Variants in EYS observed in about 807,000 individuals in gnomAD.
The protein encoded by EYS is EGF-like photoreceptor maintenance factor.
Under a neutral mutation model 282.1 loss-of-function variants are expected in EYS, and 250 were observed. The observed-to-expected ratio is 0.89, with a 90% confidence interval of 0.80 to 0.98. The LOEUF (loss-of-function observed/expected upper bound fraction) is 0.98. EYS is among the 50% of genes least tolerant of loss of function. The probability of loss-of-function intolerance (pLI) is 0.00; values close to 1 mark genes in which losing one functional copy is unlikely to be tolerated. For missense variants in EYS, 4,016 were observed against 3,709.0 expected, an observed-to-expected ratio of 1.08 and a Z score of -2.15; for synonymous variants, 1,355 against 1,282.9, an observed-to-expected ratio of 1.06 and a Z score of -1.20.
intron 26 of EYS, among the ~76,000 whole-genome samples, chr6:64,454,266 AAC>A (rs1245641438): frequency 2.0e-5 from 3 of 152,150 alleles, no homozygotes; most frequent in African/African-American, 7.2e-5. Context: ...CAGCCAATCA[AAC>A]ACAGAGTTAA....
intron 14 of EYS, among the ~76,000 whole-genome samples, chr6:64,994,906 A>G (rs1771196023): frequency 6.6e-6 from 1 of 152,156 alleles, no homozygotes; most frequent in Non-Finnish European, 1.5e-5. Flanking sequence ...GCTCAAGCCT[A>G]CATATATTCC....
chr6:64,984,405 A>G (rs1408052826), intron 14 of EYS, among the ~76,000 whole-genome samples: 1 of 151,514 alleles, frequency 6.6e-6, no homozygotes, highest in Non-Finnish European at 1.5e-5. Flanking sequence ...CTGTCTTGGT[A>G]GTAAGATTTG....
intron 31 of EYS, among the ~76,000 whole-genome samples, chr6:64,144,586 G>A (rs575446545): frequency 3.7e-4 from 57 of 152,214 alleles, no homozygotes; most frequent in African/African-American, 8.4e-4. Flanking sequence ...TGTTTTCCAC[G>A]TTCTCCTACA....
intron 37 of EYS, among the ~76,000 whole-genome samples, chr6:63,794,429 A>G (rs1770592382): frequency 6.6e-6 from 1 of 152,188 alleles, no homozygotes; most frequent in South Asian, 2.1e-4. Context: ...GCTTCAGTGC[A>G]TTACTTTGAT....
At chr6:64,385,191 CTA>C (rs1015657801) in intron 29 of EYS, among the ~76,000 whole-genome samples, 4 of 152,082 alleles carry the variant, frequency 2.6e-5, no homozygotes, top group African/African-American at 9.7e-5. Context: ...GCTGAATTTC[CTA>C]TCTTTCTTTT....
intron 13 of EYS, among the ~76,000 whole-genome samples, chr6:65,019,508 T>A (rs115288121): frequency 6.6e-5 from 10 of 152,198 alleles, no homozygotes; most frequent in African/African-American, 1.2e-4. Flanking sequence ...TGATTTCTGA[T>A]ACCTAACATA....
chr6:64,891,699 C>T (rs1767297586), intron 18 of EYS, among the ~76,000 whole-genome samples: 1 of 151,986 alleles, frequency 6.6e-6, no homozygotes, highest in African/African-American at 2.4e-5. Context: ...TTATTAATGT[C>T]CTAAGTGATC....
chr6:65,477,802 A>G (rs1765465335), intron 5 of EYS, among the ~76,000 whole-genome samples: 1 of 152,172 alleles, frequency 6.6e-6, no homozygotes, highest in African/African-American at 2.4e-5. Context: ...TATATTTTTC[A>G]ATCTTTTTTC....
chr6:64,512,700 A>C (rs1028317013), intron 26 of EYS, among the ~76,000 whole-genome samples: 1 of 152,074 alleles, frequency 6.6e-6, no homozygotes, highest in Non-Finnish European at 1.5e-5. Flanking sequence ...AAAGAGATTA[A>C]AAGAGAAGAA....
At chr6:64,650,420 G>T (rs1187204303) in intron 22 of EYS, among the ~76,000 whole-genome samples, 1 of 151,924 alleles carries the variant, frequency 6.6e-6, no homozygotes, top group Non-Finnish European at 1.5e-5. Flanking sequence ...TTTAGCCAGT[G>T]TGACTAAAAA....
intron 26 of EYS, among the ~76,000 whole-genome samples, chr6:64,489,922 GC>G (rs1776686571): frequency 6.6e-6 from 1 of 150,688 alleles, no homozygotes; most frequent in South Asian, 2.1e-4. Flanking sequence ...TCATGAAGAG[GC>G]CTCACAAATG....
chr6:64,780,079 A>T (rs1013160184), intron 22 of EYS, among the ~76,000 whole-genome samples: 2 of 152,184 alleles, frequency 1.3e-5, no homozygotes, highest in Non-Finnish European at 2.9e-5. Flanking sequence ...TTGAACATAG[A>T]GACTAGAGAT....
At chr6:65,350,778 C>T (rs1054657768) in intron 9 of EYS, among the ~76,000 whole-genome samples, 4 of 151,656 alleles carry the variant, frequency 2.6e-5, no homozygotes, top group African/African-American at 4.8e-5. Context: ...TGTGCACTGT[C>T]GACCAATTGT....
At chr6:64,364,190 C>T (rs1355113603) in intron 29 of EYS, among the ~76,000 whole-genome samples, 1 of 151,840 alleles carries the variant, frequency 6.6e-6, no homozygotes, top group African/African-American at 2.4e-5. Context: ...ATAAAAAATT[C>T]TCCATAAAGA....
intron 12 of EYS, among the ~76,000 whole-genome samples, chr6:65,133,376 T>C (rs1775936416): frequency 6.6e-6 from 1 of 151,968 alleles, no homozygotes; most frequent in African/African-American, 2.4e-5. Context: ...TTTCAAACTA[T>C]ACTACAGGGC....
chr6:64,180,389 C>T (rs1288126037), intron 31 of EYS, among the ~76,000 whole-genome samples: 4 of 152,062 alleles, frequency 2.6e-5, no homozygotes, highest in African/African-American at 9.7e-5. Flanking sequence ...CTACTACCGA[C>T]CAAAAATAGG....
chr6:64,442,230 C>T (rs1233069003), intron 26 of EYS, among the ~76,000 whole-genome samples: 4 of 152,178 alleles, frequency 2.6e-5, no homozygotes, highest in South Asian at 4.1e-4. Context: ...AGGTATTTTG[C>T]CCCTGCCCCA....
chr6:64,421,801 G>T (rs571666483), intron 28 of EYS, among the ~76,000 whole-genome samples: 61 of 151,780 alleles, frequency 4.0e-4, no homozygotes, highest in Non-Finnish European at 7.4e-4. Flanking sequence ...AATATTTCAG[G>T]GAGGGAGCGA....
chr6:64,403,177 A>G (rs185899809), intron 28 of EYS, among the ~76,000 whole-genome samples: 2 of 152,264 alleles, frequency 1.3e-5, no homozygotes, highest in East Asian at 3.9e-4. Context: ...GATAAAATAT[A>G]GACTTTATAA....
Sources: gnomAD v4.1 joint callset for allele counts (sites outside exome capture counted in the v4.1 genomes callset) on GRCh38, gnomAD v4.1.1 for gene constraint, MANE v1.5 for transcripts, NCBI Gene and HGNC (gene_info 2026-07-23, HGNC 2026-07-21) for gene names.